TMEM135: variants seen among roughly 807,000 people sequenced by gnomAD.
TMEM135 encodes transmembrane protein 135.
Under a neutral mutation model 60.3 loss-of-function variants are expected in TMEM135, and 30 were observed. That is an observed-to-expected ratio of 0.50 (90% CI 0.37 to 0.68). The LOEUF (loss-of-function observed/expected upper bound fraction) is 0.68, where lower values mean the gene tolerates loss of function less well. TMEM135 is among the 30% of genes least tolerant of loss of function. The pLI, the probability that TMEM135 is intolerant of heterozygous loss-of-function variation, is 0.00. For missense variants in TMEM135, 468 were observed against 548.8 expected (o/e 0.85, Z 1.47); for synonymous variants, 190 against 186.7 (o/e 1.02, Z -0.14).
At chr11:87,233,235 A>T (rs2135369936) in intron 5 of TMEM135, among the ~76,000 whole-genome samples, 1 of 152,252 alleles carries the variant, frequency 6.6e-6, no homozygotes, top group Admixed American at 6.5e-5. Flanking sequence ...ACAAGTAGAG[A>T]AATAAATAGC....
intron 14 of TMEM135, among the ~76,000 whole-genome samples, chr11:87,320,120 G>A (rs1456522335): frequency 1.3e-5 from 2 of 151,994 alleles, no homozygotes; most frequent in Non-Finnish European, 2.9e-5. Context: ...TCCAACATAT[G>A]GTTTTAAGAG....
At chr11:87,290,178 T>C (rs117116375) in intron 6 of TMEM135, among the ~76,000 whole-genome samples, 4,189 of 152,298 alleles carry the variant, frequency 0.028, 68 homozygotes, top group Admixed American at 0.043. Flanking sequence ...TAGTTTGTTC[T>C]CATTCTTTTC....
Position 87,328,495 on chromosome 11 carries a change from T to C in TMEM135, c.*7162T>C, listed in dbSNP as rs1176374832. 4.4e-6 allele frequency: 2 copies of C among 454,068 alleles called. No individual in the cohort carries two copies. Among genetic ancestry groups the C allele is most frequent in the Non-Finnish European group, 4.4e-6 (1 of 226,770 alleles). 28.1% of individuals were successfully genotyped at this position (454,068 alleles called of 1,614,324 possible). A position where few individuals can be genotyped will look rare whatever the true frequency, so the allele number is the denominator to read the frequency against. On this transcript the variant is annotated 3_prime_UTR_variant, in exon 15 of 15. Coordinates refer to ENST00000305494, the MANE Select transcript of TMEM135 (RefSeq NM_022918.4). ...GCATTGTACCCAATATATAGCTTTT[T>C]ATTCCTTCCCCTTCTGAGTCTCCAT...
rs758526532 is a variant in TMEM135 at position 87,327,447 on chromosome 11, A to C, written c.*6114A>C. 8.4e-5 allele frequency: 38 copies of C among 453,990 alleles called. No individual in the cohort carries two copies. The highest frequency in any genetic ancestry group is 1.6e-4 in the Admixed American group (7 of 42,552). The allele number at this position is 453,990 out of a possible 1,614,324, so 28.1% of individuals were successfully genotyped here. Reference sequence around the variant, plus strand: ...TAACCATCTGCATTTGAGCATTTTGAGAAAATAAACCTCTATTTCTTAAAG... The same window carrying C: ...TAACCATCTGCATTTGAGCATTTTGCGAAAATAAACCTCTATTTCTTAAAG... On this transcript the variant is annotated 3_prime_UTR_variant, in exon 15 of 15. Coordinates refer to ENST00000305494, the MANE Select transcript of TMEM135 (RefSeq NM_022918.4).
At chr11:87,307,441 A>G (rs1171983876) in intron 9 of TMEM135, among the ~76,000 whole-genome samples, 1 of 151,704 alleles carries the variant, frequency 6.6e-6, no homozygotes, top group Non-Finnish European at 1.5e-5. Context: ...TGGATTTATT[A>G]TTCCTTCCAA....
chr11:87,210,640 G>A (rs1940346204), intron 5 of TMEM135, among the ~76,000 whole-genome samples: 1 of 152,016 alleles, frequency 6.6e-6, no homozygotes, highest in South Asian at 2.1e-4. Flanking sequence ...ATCAAGGAGG[G>A]GGGACTCCTA....
At chr11:87,224,824 A>G (rs1433035479) in intron 5 of TMEM135, among the ~76,000 whole-genome samples, 1 of 148,950 alleles carries the variant, frequency 6.7e-6, no homozygotes, top group East Asian at 2.0e-4. Flanking sequence ...ATAAAGAATG[A>G]TCTCTTGTAA....
At chr11:87,285,865 T>C (rs1309652138) in intron 6 of TMEM135, among the ~76,000 whole-genome samples, 1 of 152,148 alleles carries the variant, frequency 6.6e-6, no homozygotes, top group Non-Finnish European at 1.5e-5. Flanking sequence ...TTGGTCCGTT[T>C]TACAGAGAGC....
At chr11:87,167,698 G>T (rs982483965) in intron 5 of TMEM135, among the ~76,000 whole-genome samples, 1 of 152,110 alleles carries the variant, frequency 6.6e-6, no homozygotes, top group Non-Finnish European at 1.5e-5. Context: ...TGTGGTGCTG[G>T]ATTTGGTCTG....
intron 12 of TMEM135, among the ~76,000 whole-genome samples, chr11:87,317,783 C>G (rs1942757932): frequency 6.6e-6 from 1 of 152,056 alleles, no homozygotes; most frequent in South Asian, 2.1e-4. Flanking sequence ...GGCGTGTAGA[C>G]ACCATTAAAT....
intron 3 of TMEM135, among the ~76,000 whole-genome samples, chr11:87,082,699 C>G (rs1406190587): frequency 6.6e-6 from 1 of 152,158 alleles, no homozygotes; most frequent in Admixed American, 6.5e-5. Context: ...CGTTTAGAAG[C>G]AGCAACATTT....
intron 5 of TMEM135, among the ~76,000 whole-genome samples, chr11:87,207,152 G>A (rs965427213): frequency 6.6e-6 from 1 of 152,120 alleles, no homozygotes; most frequent in Non-Finnish European, 1.5e-5. Flanking sequence ...GGAGAAGAGA[G>A]GTAGGAAACA....
At chr11:87,287,449 C>T (rs530119872) in intron 6 of TMEM135, among the ~76,000 whole-genome samples, 36 of 152,156 alleles carry the variant, frequency 2.4e-4, no homozygotes, top group South Asian at 4.1e-4. Flanking sequence ...GAGGCTGAGG[C>T]GGGCAGATCA....
At chr11:87,075,376 G>C (rs1025563138) in intron 3 of TMEM135, among the ~76,000 whole-genome samples, 2 of 151,850 alleles carry the variant, frequency 1.3e-5, no homozygotes, top group African/African-American at 4.8e-5. Context: ...GGATGGTTTC[G>C]ATCTCCGGAC....
At position 87,324,183 on chromosome 11, in the gene TMEM135, C is replaced by T. The variant is rs1004480222; in HGVS notation, c.*2850C>T. ...TTAATGCTGACGTAATTGTTTCCTGCTTATATTTTATCATATCCCTGAGCT... is the reference window on the plus strand; with the variant it reads ...TTAATGCTGACGTAATTGTTTCCTGTTTATATTTTATCATATCCCTGAGCT... On this transcript the variant is annotated 3_prime_UTR_variant, in exon 15 of 15. Transcript: ENST00000305494. 2 of 453,880 alleles carry T rather than the reference C, an allele frequency of 4.4e-6. No individual in the cohort carries two copies. The highest frequency in any genetic ancestry group is 8.8e-6 in the Non-Finnish European group (2 of 226,762). The allele number at this position is 453,880 out of a possible 1,614,324, so 28.1% of individuals were successfully genotyped here. A position where few individuals can be genotyped will look rare whatever the true frequency, so the allele number is the denominator to read the frequency against.
chr11:87,099,840 G>C (rs913358766), intron 4 of TMEM135, among the ~76,000 whole-genome samples: 1 of 151,888 alleles, frequency 6.6e-6, no homozygotes, highest in Non-Finnish European at 1.5e-5. Context: ...GCACCACCAT[G>C]CCTGGCTAAT....
intron 5 of TMEM135, among the ~76,000 whole-genome samples, chr11:87,231,400 G>C (rs1432095598): frequency 3.3e-5 from 5 of 152,136 alleles, no homozygotes; most frequent in African/African-American, 9.7e-5. Context: ...ACATGGCATT[G>C]GGTAAAGTAC....
intron 3 of TMEM135, among the ~76,000 whole-genome samples, chr11:87,086,370 G>A (rs1018963928): frequency 1.3e-5 from 2 of 152,134 alleles, no homozygotes; most frequent in African/African-American, 4.8e-5. Flanking sequence ...GCACCTCTAC[G>A]TGGCCCGCCT....
At position 87,070,395 on chromosome 11, in the gene TMEM135, A is replaced by G. The variant is rs1047179326; in HGVS notation, c.270-1128A>G. ...TGCGTTGGCTCACGCCTGTAATCCC[A>G]GCACTTTGGGGGGCCGAGGCAGATG... On this transcript the variant is annotated intron_variant, in intron 2 of 14. Coordinates refer to ENST00000305494, the MANE Select transcript of TMEM135 (RefSeq NM_022918.4). Among the ~76,000 whole-genome samples the G allele has an allele frequency of 7.2e-5, 11 of 152,062 alleles. No individual in the cohort carries two copies. In the South Asian group the frequency reaches 8.3e-4, roughly 11 times the overall value.
Sources: gnomAD v4.1 joint callset for allele counts (sites outside exome capture counted in the v4.1 genomes callset) on GRCh38, gnomAD v4.1.1 for gene constraint, MANE v1.5 for transcripts, NCBI Gene and HGNC (gene_info 2026-07-23, HGNC 2026-07-21) for gene names.